RTL4: variants seen among roughly 807,000 people sequenced by gnomAD.
The protein encoded by RTL4 is retrotransposon Gag like 4.
Under a neutral mutation model 5.3 loss-of-function variants are expected in RTL4, and 4 were observed. The ratio of observed to expected loss-of-function variants is 0.75; its 90% CI spans 0.37 to 1.72. The LOEUF (loss-of-function observed/expected upper bound fraction) is 1.72. Ranked by LOEUF, RTL4 falls within the 40% of genes most tolerant of loss-of-function variation. The probability of loss-of-function intolerance (pLI) is 0.04; values close to 1 mark genes in which losing one functional copy is unlikely to be tolerated. For synonymous variants in RTL4, 98 were observed against 87.3 expected (o/e 1.12, Z -0.68); for missense variants, 260 against 227.1 (o/e 1.14, Z -0.93).
chrX:112,337,862 A>G, the RTL4 span, among the ~76,000 whole-genome samples: 2 of 111,073 alleles, frequency 1.8e-5, no homozygotes, highest in Non-Finnish European at 3.8e-5. Context: ...CCTGTAAGTC[A>G]AGAGTATGGA....
the RTL4 span, among the ~76,000 whole-genome samples, chrX:112,178,696 G>A: frequency 4.5e-5 from 5 of 111,504 alleles, no homozygotes; most frequent in Admixed American, 3.8e-4. Flanking sequence ...GATAGCACCT[G>A]CGAATTGCAA....
At chrX:112,295,382 C>G in the RTL4 span, among the ~76,000 whole-genome samples, 2 of 112,058 alleles carry the variant, frequency 1.8e-5, no homozygotes, top group South Asian at 3.8e-4. Context: ...CAAGAGGTTC[C>G]TTTTACCACT....
At chrX:112,334,658 T>C in the RTL4 span, among the ~76,000 whole-genome samples, 1 of 112,158 alleles carries the variant, frequency 8.9e-6, no homozygotes, top group South Asian at 3.6e-4. Context: ...TGCTTCTTAA[T>C]TAGAATGTTT....
chrX:112,201,839 A>G, the RTL4 span, among the ~76,000 whole-genome samples: 2 of 111,935 alleles, frequency 1.8e-5, no homozygotes, highest in African/African-American at 3.3e-5. Flanking sequence ...TCCCAAGTAC[A>G]CTACCTAGTT....
At chrX:112,378,409 A>T in the RTL4 span, among the ~76,000 whole-genome samples, 1 of 111,641 alleles carries the variant, frequency 9.0e-6, no homozygotes, top group Non-Finnish European at 1.9e-5. Context: ...TCCAAGGAAC[A>T]TATCTTCAGG....
the RTL4 span, among the ~76,000 whole-genome samples, chrX:112,239,625 G>A: frequency 2.7e-5 from 3 of 111,446 alleles, no homozygotes; most frequent in African/African-American, 9.8e-5. Context: ...GCCCAGTGGG[G>A]TGCTGAGCAT....
chrX:112,120,116 C>T, the RTL4 span, among the ~76,000 whole-genome samples: 2 of 111,842 alleles, frequency 1.8e-5, no homozygotes, highest in Admixed American at 9.5e-5. Context: ...TGGAGCCAAA[C>T]CAAAAGCAAA....
the RTL4 span, among the ~76,000 whole-genome samples, chrX:112,256,276 T>C: frequency 8.9e-6 from 1 of 112,014 alleles, no homozygotes; most frequent in Non-Finnish European, 1.9e-5. Flanking sequence ...ACTGAGATAT[T>C]CTCATAGTCA....
the RTL4 span, among the ~76,000 whole-genome samples, chrX:112,133,847 T>A: frequency 8.9e-6 from 1 of 112,178 alleles, no homozygotes; most frequent in Non-Finnish European, 1.9e-5. Context: ...TCATTATTGA[T>A]CTATATAGTT....
At chrX:112,364,509 A>T in the RTL4 span, among the ~76,000 whole-genome samples, 1,700 of 111,935 alleles carry the variant, frequency 0.015, 36 homozygotes, top group African/African-American at 0.052. Context: ...CTGCATTTCA[A>T]TACAACATCT....
the RTL4 span, among the ~76,000 whole-genome samples, chrX:112,194,813 G>A: frequency 4.5e-5 from 5 of 111,833 alleles, no homozygotes; most frequent in Non-Finnish European, 9.4e-5. Flanking sequence ...AGATAACTAC[G>A]GAAGTACTAA....
the RTL4 span, among the ~76,000 whole-genome samples, chrX:112,335,377 C>G: frequency 3.6e-5 from 4 of 111,402 alleles, no homozygotes; most frequent in Non-Finnish European, 5.7e-5. Context: ...AAGAAAGAAA[C>G]AAACAAAAAC....
the RTL4 span, among the ~76,000 whole-genome samples, chrX:112,263,986 G>T: frequency 9.0e-6 from 1 of 111,232 alleles, no homozygotes; most frequent in African/African-American, 3.3e-5. Flanking sequence ...GCTAATAGTG[G>T]GTGTGGTTGC....
the RTL4 span, among the ~76,000 whole-genome samples, chrX:112,357,535 CA>C: frequency 2.7e-5 from 3 of 111,819 alleles, no homozygotes; most frequent in African/African-American, 9.7e-5. Context: ...AAGATCAAAA[CA>C]AAACAAAAAG....
the RTL4 span, among the ~76,000 whole-genome samples, chrX:112,262,807 A>G: frequency 9.0e-6 from 1 of 111,169 alleles, no homozygotes; most frequent in African/African-American, 3.3e-5. Flanking sequence ...ATGTCCATCA[A>G]TGATAGACTG....
At chrX:112,243,533 G>A in the RTL4 span, among the ~76,000 whole-genome samples, 2 of 111,058 alleles carry the variant, frequency 1.8e-5, no homozygotes, top group African/African-American at 6.5e-5. Context: ...CTGTAGGATC[G>A]GTAGTGATAT....
the RTL4 span, among the ~76,000 whole-genome samples, chrX:112,245,987 G>A: frequency 8.9e-6 from 1 of 112,373 alleles, no homozygotes; most frequent in Non-Finnish European, 1.9e-5. Flanking sequence ...GTTTGCTGGA[G>A]GTCCACTCCA....
the RTL4 span, among the ~76,000 whole-genome samples, chrX:112,301,035 C>T: frequency 7.2e-5 from 8 of 111,056 alleles, no homozygotes; most frequent in Admixed American, 9.6e-5. Context: ...GGTTGCGTCT[C>T]GGGAGAAGTG....
chrX:112,409,073 T>C, the RTL4 span, among the ~76,000 whole-genome samples: 72 of 112,573 alleles, frequency 6.4e-4, no homozygotes, highest in South Asian at 0.026. Flanking sequence ...CAAGAAGCAA[T>C]TGTCTGAAGT....
Sources: allele counts gnomAD v4.1 joint callset (sites outside exome capture counted in the v4.1 genomes callset), GRCh38; gene constraint gnomAD v4.1.1; transcripts MANE v1.5; gene names NCBI Gene and HGNC (gene_info 2026-07-23, HGNC 2026-07-21).